Variants in ADAMTSL1 observed in about 807,000 individuals in gnomAD.
ADAMTSL1 encodes the protein ADAMTS like 1.
A neutral mutation model predicts 201.8 loss-of-function variants in ADAMTSL1; 126 were observed. That is an observed-to-expected ratio of 0.62 (90% CI 0.54 to 0.72). The LOEUF (loss-of-function observed/expected upper bound fraction) is 0.72, where lower values mean the gene tolerates loss of function less well. Among genes scored for constraint, ADAMTSL1 ranks in the 30% least tolerant of loss-of-function variants. The pLI, the probability that ADAMTSL1 is intolerant of heterozygous loss-of-function variation, is 0.00. For missense variants in ADAMTSL1, 2,679 were observed against 2,277.8 expected (o/e 1.18, Z -3.59); for synonymous variants, 1,121 against 903.4 (o/e 1.24, Z -4.32).
At chr9:18,438,453 C>A (rs1056485611) in intron 2 of ADAMTSL1, among the ~76,000 whole-genome samples, 2 of 152,114 alleles carry the variant, frequency 1.3e-5, no homozygotes, top group African/African-American at 4.8e-5. Context: ...GCCTCCCAGC[C>A]CCTCGGGTGG....
At position 18,095,416 on chromosome 9, in the gene ADAMTSL1, CTTTTTTT is replaced by C. The variant is rs35164794; in HGVS notation, c.88-68428_88-68422del. On this transcript the variant is annotated intron_variant, in intron 1 of 29. Transcript: ENST00000680146. ...TCCCTGATAAGTTTCTTCTTTCTTT[CTTTTTTT>C]TTTTTTTTTTTTTTTTTGACACAGA... 1.3e-3 allele frequency among the ~76,000 whole-genome samples: 130 copies of C among 100,114 alleles called. 1 individual carries two copies. Among genetic ancestry groups the C allele is most frequent in the South Asian group, 5.8e-3 (14 of 2,412 alleles). 65.7% of individuals were successfully genotyped at this position (100,114 alleles called of 152,430 possible).
At chr9:18,131,911 G>A (rs564418937) in intron 1 of ADAMTSL1, among the ~76,000 whole-genome samples, 11 of 135,702 alleles carry the variant, frequency 8.1e-5, no homozygotes, top group African/African-American at 2.8e-4. Flanking sequence ...ATAGTGAGGA[G>A]GTCACTTCCT....
At chr9:18,099,355 A>ATATATATTTTTTTTT (rs1239180390) in intron 1 of ADAMTSL1, among the ~76,000 whole-genome samples, 1 of 45,542 alleles carries the variant, frequency 2.2e-5, no homozygotes, top group African/African-American at 8.1e-5. Context: ...ATATATATAT[A>ATATATATTTTTTTTT]TTTTTTTTTT....
intron 2 of ADAMTSL1, among the ~76,000 whole-genome samples, chr9:18,250,555 C>T (rs1378325973): frequency 6.6e-6 from 1 of 152,004 alleles, no homozygotes; most frequent in Non-Finnish European, 1.5e-5. Flanking sequence ...ACCTTCTGAG[C>T]CCTAGAAAAC....
chr9:18,197,088 G>A (rs902761654), intron 2 of ADAMTSL1, among the ~76,000 whole-genome samples: 4 of 152,114 alleles, frequency 2.6e-5, no homozygotes, highest in Non-Finnish European at 5.9e-5. Flanking sequence ...ACCAGTGAAA[G>A]CTAGGAAAGT....
At chr9:17,926,382 G>C (rs1588427097) in intron 1 of ADAMTSL1, among the ~76,000 whole-genome samples, 7 of 152,196 alleles carry the variant, frequency 4.6e-5, no homozygotes, top group Admixed American at 4.6e-4. Context: ...CACCACCAAG[G>C]TTTATTTCAC....
intron 2 of ADAMTSL1, among the ~76,000 whole-genome samples, chr9:18,340,743 T>A (rs1586923637): frequency 6.6e-6 from 1 of 152,278 alleles, no homozygotes; most frequent in Admixed American, 6.5e-5. Context: ...ATGCTCTCTC[T>A]TGCCTGCTGC....
At chr9:18,895,570 C>G (rs1232722575) in intron 26 of ADAMTSL1, among the ~76,000 whole-genome samples, 1 of 152,164 alleles carries the variant, frequency 6.6e-6, no homozygotes, top group Non-Finnish European at 1.5e-5. Context: ...AACTGACGCT[C>G]TAAAGTCCCA....
At chr9:18,211,594 A>T (rs1829873054) in intron 2 of ADAMTSL1, among the ~76,000 whole-genome samples, 1 of 152,216 alleles carries the variant, frequency 6.6e-6, no homozygotes, top group Admixed American at 6.5e-5. Flanking sequence ...CCACTCAGCC[A>T]AATTGACATC....
intron 2 of ADAMTSL1, among the ~76,000 whole-genome samples, chr9:18,350,335 G>A (rs1342017481): frequency 1.3e-5 from 2 of 151,998 alleles, no homozygotes; most frequent in African/African-American, 2.4e-5. Context: ...TAAGGGCAGG[G>A]GGGAAAAAGA....
chr9:18,135,017 G>A (rs1180595988), intron 1 of ADAMTSL1, among the ~76,000 whole-genome samples: 3 of 152,080 alleles, frequency 2.0e-5, no homozygotes, highest in Non-Finnish European at 4.4e-5. Context: ...ATCAGACAAG[G>A]GAATCAATAC....
At chr9:18,743,663 A>C (rs1340133023) in intron 15 of ADAMTSL1, among the ~76,000 whole-genome samples, 2 of 152,142 alleles carry the variant, frequency 1.3e-5, no homozygotes, top group Non-Finnish European at 2.9e-5. Flanking sequence ...GGCTGTATCT[A>C]CTATTTCCTG....
At chr9:18,886,164 G>GTGTA (rs66488956) in intron 23 of ADAMTSL1, among the ~76,000 whole-genome samples, 3,054 of 61,698 alleles carry the variant, frequency 0.049, 219 homozygotes, top group East Asian at 0.074. Flanking sequence ...GAGTGTGTAT[G>GTGTA]TGTATATATA....
At chr9:18,355,285 G>A (rs569980030) in intron 2 of ADAMTSL1, among the ~76,000 whole-genome samples, 3 of 152,264 alleles carry the variant, frequency 2.0e-5, no homozygotes, top group Non-Finnish European at 2.9e-5. Context: ...TTTAATGGTG[G>A]AAAGCTGTAA....
chr9:18,223,657 C>T (rs891188661), intron 2 of ADAMTSL1, among the ~76,000 whole-genome samples: 2 of 152,074 alleles, frequency 1.3e-5, no homozygotes, highest in Non-Finnish European at 2.9e-5. Context: ...TACCTGCAAG[C>T]ATTTTATTTA....
rs1830496348 is a variant in ADAMTSL1 at position 18,681,705 on chromosome 9, G to GGT, written c.1342-106_1342-105insTG. 5.7e-5 allele frequency: 41 copies of GGT among 721,028 alleles called. 2 individuals are homozygous for GGT. The highest frequency in any genetic ancestry group is 7.3e-5 in the Non-Finnish European group (37 of 509,904). 44.7% of individuals were successfully genotyped at this position (721,028 alleles called of 1,614,324 possible). A position where few individuals can be genotyped will look rare whatever the true frequency, so the allele number is the denominator to read the frequency against. On this transcript the variant is annotated intron_variant, in intron 11 of 28. Coordinates refer to ENST00000380548, the MANE Select transcript of ADAMTSL1 (RefSeq NM_001040272.6). The stretch of plus-strand genomic sequence containing the variant: ...TACCAGGAGTCCTCGTGTGGGGGGG[G>GGT]GGGGCGGGGAAAAAGAAAACTTAGA...
intron 1 of ADAMTSL1, among the ~76,000 whole-genome samples, chr9:17,921,276 A>G (rs945366389): frequency 2.6e-5 from 4 of 152,078 alleles, no homozygotes; most frequent in Non-Finnish European, 1.5e-5. Flanking sequence ...TCTTCTTTCA[A>G]CAGCACCAGG....
intron 24 of ADAMTSL1, among the ~76,000 whole-genome samples, chr9:18,889,157 A>G (rs915492598): frequency 4.6e-5 from 7 of 152,186 alleles, no homozygotes; most frequent in African/African-American, 1.4e-4. Context: ...AATATTTGCT[A>G]TATTTATATA....
At chr9:18,684,150 T>C (rs1436020252) in intron 12 of ADAMTSL1, among the ~76,000 whole-genome samples, 1 of 152,232 alleles carries the variant, frequency 6.6e-6, no homozygotes, top group African/African-American at 2.4e-5. Flanking sequence ...AAATTATGTG[T>C]TATGAACCCT....
Sources: gnomAD v4.1 joint callset for allele counts (sites outside exome capture counted in the v4.1 genomes callset) on GRCh38, gnomAD v4.1.1 for gene constraint, MANE v1.5 for transcripts, NCBI Gene and HGNC (gene_info 2026-07-23, HGNC 2026-07-21) for gene names.